IGF2BP1: variants seen among roughly 807,000 people sequenced by gnomAD.
IGF2BP1 encodes insulin like growth factor 2 mRNA binding protein 1, also known as insulin-like growth factor 2 mRNA-binding protein 1.
A neutral mutation model predicts 74.9 loss-of-function variants in IGF2BP1; 11 were observed. The observed-to-expected ratio is 0.15, with a 90% CI of 0.09 to 0.24. The LOEUF (loss-of-function observed/expected upper bound fraction) is 0.24. IGF2BP1 is among the 10% of genes least tolerant of loss of function. The pLI, the probability that IGF2BP1 is intolerant of heterozygous loss-of-function variation, is 1.00. For synonymous variants in IGF2BP1, 287 were observed against 281.8 expected, an observed-to-expected ratio of 1.02 and a Z score of -0.18; for missense variants, 440 against 757.4, an observed-to-expected ratio of 0.58 and a Z score of 4.92.
intron 5 of IGF2BP1, chr17:49,037,476 A>C: frequency 3.9e-6 from 1 of 255,980 alleles, no homozygotes; most frequent in Non-Finnish European, 7.9e-6. Context: ...ATATTCATGG[A>C]AGTCATTTAT....
At position 49,050,293 on chromosome 17, in the gene IGF2BP1, G is replaced by A. The variant is rs935903652; in HGVS notation, c.*849G>A. 1 of 152,546 alleles carries A rather than the reference G, an allele frequency of 6.6e-6. No individual in the cohort carries two copies. Among genetic ancestry groups the A allele is most frequent in the African/African-American group, 2.4e-5 (1 of 41,368 alleles). 9.4% of individuals were successfully genotyped at this position (152,546 alleles called of 1,614,324 possible). On this transcript the variant is annotated 3_prime_UTR_variant, in exon 15 of 15. Coordinates refer to ENST00000290341, the MANE Select transcript of IGF2BP1 (RefSeq NM_006546.4). ...GTGGTATTGAATGCTCAGCAGGGTA[G>A]GGGCTGACCACTGTCCCTGATTCCC...
chr17:48,998,735 C>G (rs1195536681), intron 1 of IGF2BP1, among the ~76,000 whole-genome samples: 1 of 152,202 alleles, frequency 6.6e-6, no homozygotes, highest in Non-Finnish European at 1.5e-5. Flanking sequence ...GCCTCCCGCC[C>G]CGCGCCCCAC....
At chr17:49,036,089 T>C (rs1425536858) in intron 5 of IGF2BP1, among the ~76,000 whole-genome samples, 1 of 137,640 alleles carries the variant, frequency 7.3e-6, no homozygotes, top group Non-Finnish European at 1.6e-5. Context: ...CGGGGTTGAC[T>C]GGAAGCGACC....
chr17:49,004,303 CACCGGCT>C (rs2041521996), intron 2 of IGF2BP1, among the ~76,000 whole-genome samples: 3 of 99,726 alleles, frequency 3.0e-5, no homozygotes, highest in African/African-American at 6.0e-5. Flanking sequence ...GGTTCCCCCT[CACCGGCT>C]GCGGGCTGCG....
chr17:49,012,911 T>G (rs1598129178), intron 2 of IGF2BP1: 1 of 152,166 alleles, frequency 6.6e-6, no homozygotes, highest in Non-Finnish European at 1.5e-5. Context: ...CATGTTAGTT[T>G]CTAAAATATC....
Position 49,053,478 on chromosome 17 carries a change from C to G in IGF2BP1, c.*4034C>G, listed in dbSNP as rs942999507. 1 of 152,830 alleles carries G rather than the reference C, an allele frequency of 6.5e-6. No individual in the cohort carries two copies. Among genetic ancestry groups the G allele is most frequent in the African/African-American group, 2.4e-5 (1 of 41,450 alleles). The allele number at this position is 152,830 out of a possible 1,614,324, so 9.5% of individuals were successfully genotyped here. On this transcript the variant is annotated 3_prime_UTR_variant, in exon 15 of 15. Coordinates refer to ENST00000290341, the MANE Select transcript of IGF2BP1 (RefSeq NM_006546.4). ...AGGGGTAGGGAGCCGAGAAATTGGTCTGTCGGCTCCTGGTTGCACTTTGGG... is the reference window on the plus strand; with the variant it reads ...AGGGGTAGGGAGCCGAGAAATTGGTGTGTCGGCTCCTGGTTGCACTTTGGG...
intron 2 of IGF2BP1, among the ~76,000 whole-genome samples, chr17:49,023,154 G>T (rs2041812602): frequency 6.6e-6 from 1 of 152,140 alleles, no homozygotes; most frequent in African/African-American, 2.4e-5. Flanking sequence ...TAGATGTGGG[G>T]GTTCCCTCTT....
intron 2 of IGF2BP1, among the ~76,000 whole-genome samples, chr17:49,015,811 C>G (rs1175593058): frequency 6.6e-6 from 1 of 152,168 alleles, no homozygotes; most frequent in African/African-American, 2.4e-5. Context: ...GCTTTCTTGT[C>G]AAACTATTTC....
intron 2 of IGF2BP1, among the ~76,000 whole-genome samples, chr17:49,020,363 G>C (rs1368039665): frequency 6.6e-6 from 1 of 152,012 alleles, no homozygotes; most frequent in Admixed American, 6.6e-5. Context: ...TTTAAAGGAA[G>C]GGAATTAACA....
At chr17:49,037,878 A>G (rs968672468) in intron 5 of IGF2BP1, among the ~76,000 whole-genome samples, 2 of 152,144 alleles carry the variant, frequency 1.3e-5, no homozygotes, top group Non-Finnish European at 1.5e-5. Flanking sequence ...TATACTTTCT[A>G]TTGGACTGGA....
chr17:49,019,939 T>C (rs1435509710), intron 2 of IGF2BP1, among the ~76,000 whole-genome samples: 1 of 59,788 alleles, frequency 1.7e-5, no homozygotes, highest in Non-Finnish European at 3.1e-5. Context: ...TATATATATA[T>C]ATATATATAT....
intron 8 of IGF2BP1, 49 bp downstream of exon 8, chr17:49,041,549 G>A (rs946702582): frequency 1.9e-6 from 3 of 1,609,722 alleles, no homozygotes; most frequent in Non-Finnish European, 2.5e-6. Context: ...ATGCATGGGG[G>A]CCAGGGTCAG....
In IGF2BP1 at chr17:49,043,041, C is replaced by T. The variant is rs183490330; in HGVS notation, c.1078-387C>T. On this transcript the variant is annotated intron_variant, in intron 9 of 14. Transcript: ENST00000290341. ...GTACAGGACCAAAAATGTTTAGAATCAGAGTCCTAGAAGTCCAATGGAGCT... is the reference window on the plus strand; with the variant it reads ...GTACAGGACCAAAAATGTTTAGAATTAGAGTCCTAGAAGTCCAATGGAGCT... Among the ~76,000 whole-genome samples, 455 of 152,260 alleles carry T rather than the reference C, an allele frequency of 3.0e-3. 5 individuals carry two copies. Among genetic ancestry groups the T allele is most frequent in the African/African-American group, 0.01 (418 of 41,554 alleles).
At position 49,024,083 on chromosome 17, in the gene IGF2BP1, A is replaced by ATTT. The variant is rs765273098; in HGVS notation, c.237-1509_237-1507dup. ...AGGCACGTGCCACCACACCCTGCTAATTTTTTTTTTTTTTTTTTTTTTTTT... is the reference window on the plus strand; with the variant it reads ...AGGCACGTGCCACCACACCCTGCTAATTTTTTTTTTTTTTTTTTTTTTTTTTTT... On this transcript the variant is annotated intron_variant, in intron 2 of 14. Coordinates refer to ENST00000290341, the MANE Select transcript of IGF2BP1 (RefSeq NM_006546.4). Among the ~76,000 whole-genome samples the ATTT allele has an allele frequency of 7.3e-4, 57 of 78,104 alleles. 3 individuals are homozygous for ATTT. The highest frequency in any genetic ancestry group is 2.1e-3 in the South Asian group (5 of 2,394). The allele number at this position is 78,104 out of a possible 152,430, so 51.2% of individuals were successfully genotyped here.
rs180765626 is a variant in IGF2BP1, at chr17:49,017,133, G to C, written c.237-8485G>C. Reference sequence around the variant, plus strand: ...AGATGGGAGCGACAACTGGGAGAGGGGCCAGCTTTGGGAGGGGGCTTCTAC... The same window carrying C: ...AGATGGGAGCGACAACTGGGAGAGGCGCCAGCTTTGGGAGGGGGCTTCTAC... On this transcript the variant is annotated intron_variant, in intron 2 of 14. Coordinates refer to ENST00000290341, the MANE Select transcript of IGF2BP1 (RefSeq NM_006546.4). Among the ~76,000 whole-genome samples the C allele has an allele frequency of 2.6e-5, 4 of 152,122 alleles. No individual in the cohort carries two copies. The East Asian group carries it at 7.8e-4, about 30-fold the overall frequency.
intron 2 of IGF2BP1, among the ~76,000 whole-genome samples, chr17:49,011,158 A>C (rs796978055): frequency 0.097 from 14,055 of 144,178 alleles, 1,169 homozygotes; most frequent in African/African-American, 0.2. Flanking sequence ...AAAAAAAAAA[A>C]AAAAAAAAAC....
At position 49,045,189 on chromosome 17, in the gene IGF2BP1, C is replaced by A. The variant is rs921163682; in HGVS notation, c.1395+124C>A. The A allele has an allele frequency of 1.1e-5, 8 of 745,800 alleles. No homozygotes were observed. The South Asian group carries it at 1.3e-4, about 12-fold the overall frequency. 46.2% of individuals were successfully genotyped at this position (745,800 alleles called of 1,614,324 possible). Reference sequence around the variant, plus strand: ...GTCAAGTCCTCATCACATCTTTAAGCCTTCCATGCAGGATAAAGGGCTGCA... The same window carrying A: ...GTCAAGTCCTCATCACATCTTTAAGACTTCCATGCAGGATAAAGGGCTGCA... On this transcript the variant is annotated intron_variant, in intron 12 of 14. Coordinates refer to ENST00000290341, the MANE Select transcript of IGF2BP1 (RefSeq NM_006546.4).
intron 2 of IGF2BP1, among the ~76,000 whole-genome samples, chr17:49,011,904 A>ATTTTTTT (rs68074534): frequency 8.0e-6 from 1 of 124,632 alleles, no homozygotes; most frequent in Non-Finnish European, 1.6e-5. Context: ...AAGAAAATTG[A>ATTTTTTT]TTTTTTTTTT....
intron 2 of IGF2BP1, among the ~76,000 whole-genome samples, chr17:49,015,627 C>T (rs971326214): frequency 3.9e-5 from 6 of 152,150 alleles, no homozygotes; most frequent in Non-Finnish European, 8.8e-5. Context: ...CTCAGTCTAC[C>T]CCAGGGACCC....
Sources: allele counts gnomAD v4.1 joint callset (sites outside exome capture counted in the v4.1 genomes callset), GRCh38; gene constraint gnomAD v4.1.1; transcripts MANE v1.5; gene names NCBI Gene and HGNC (gene_info 2026-07-23, HGNC 2026-07-21).